NREP: variants seen among roughly 807,000 people sequenced by gnomAD.
NREP encodes neuronal regeneration related protein, also known as neuronal regeneration-related protein.
Under a neutral mutation model 8.6 loss-of-function variants are expected in NREP, and 5 were observed. The observed-to-expected ratio is 0.58, with a 90% confidence interval of 0.30 to 1.22. The LOEUF (loss-of-function observed/expected upper bound fraction) is 1.22, where lower values mean the gene tolerates loss of function less well. NREP is among the 50% of genes most tolerant of loss of function. NREP has a pLI of 0.07. For missense variants in NREP, 86 were observed against 82.5 expected, an observed-to-expected ratio of 1.04 and a Z score of -0.17; for synonymous variants, 27 against 28.0, an observed-to-expected ratio of 0.96 and a Z score of 0.11.
intron 2 of NREP, among the ~76,000 whole-genome samples, chr5:111,920,776 T>TA (rs1241115499): frequency 6.6e-6 from 1 of 152,092 alleles, no homozygotes; most frequent in African/African-American, 2.4e-5. Flanking sequence ...TGCACATTTA[T>TA]AAAAAAGGCG....
upstream of NREP, chr5:111,757,898 C>T (rs1261565872): frequency 1.0e-6 from 1 of 984,800 alleles, no homozygotes; most frequent in Non-Finnish European, 1.2e-6. Flanking sequence ...CGGCGGCCCG[C>T]CAGGGCCGTG....
At chr5:111,856,235 T>G (rs973115534) in intron 2 of NREP, among the ~76,000 whole-genome samples, 9 of 152,282 alleles carry the variant, frequency 5.9e-5, no homozygotes, top group Middle Eastern at 3.4e-3. Context: ...AGATTTTATT[T>G]TAGTAAAACT....
chr5:111,964,874 A>AAAAG (rs1756595040), intron 2 of NREP, among the ~76,000 whole-genome samples: 2 of 112,668 alleles, frequency 1.8e-5, no homozygotes, highest in African/African-American at 9.7e-5. Context: ...AAAAAAAAAA[A>AAAAG]AAAAAAAAAA....
At chr5:111,936,167 C>T (rs188245042) in intron 2 of NREP, among the ~76,000 whole-genome samples, 15 of 152,196 alleles carry the variant, frequency 9.9e-5, no homozygotes, top group African/African-American at 3.6e-4. Flanking sequence ...TGGTTCGGCT[C>T]TGTGTTGCCA....
intron 1 of NREP, 112 bp from the exon 2 acceptor site, chr5:111,755,942 G>A: frequency 6.8e-7 from 1 of 1,464,700 alleles, no homozygotes; most frequent in South Asian, 1.3e-5. Context: ...GTTAAGATAA[G>A]TTACATGCAA....
chr5:111,879,654 C>T (rs1015417288), intron 2 of NREP, among the ~76,000 whole-genome samples: 3 of 152,182 alleles, frequency 2.0e-5, no homozygotes, highest in Admixed American at 1.3e-4. Context: ...CTCAGGTTGC[C>T]GTAACGATAT....
At chr5:111,813,089 A>G (rs10067960) in intron 2 of NREP, among the ~76,000 whole-genome samples, 45,317 of 151,966 alleles carry the variant, frequency 0.3, 7,665 homozygotes, top group Non-Finnish European at 0.4. Context: ...TAAGTATATC[A>G]TTTGGCTTTG....
chr5:111,783,610 T>C (rs1202960986), intron 2 of NREP, among the ~76,000 whole-genome samples: 6 of 152,224 alleles, frequency 3.9e-5, no homozygotes, highest in Non-Finnish European at 1.5e-5. Flanking sequence ...CCCTTCTCCA[T>C]CTGAGGAAGT....
intron 2 of NREP, among the ~76,000 whole-genome samples, chr5:111,967,770 C>T (rs183588434): frequency 6.6e-6 from 1 of 152,058 alleles, no homozygotes; most frequent in African/African-American, 2.4e-5. Context: ...TTCTGTCTTC[C>T]CCAACTTGTA....
chr5:111,816,241 G>A (rs925079537), intron 2 of NREP, among the ~76,000 whole-genome samples: 17 of 152,160 alleles, frequency 1.1e-4, no homozygotes, highest in South Asian at 8.3e-4. Context: ...CAAGAGGCCC[G>A]CCTAGAAAGA....
intron 2 of NREP, among the ~76,000 whole-genome samples, chr5:111,936,084 T>A (rs560715707): frequency 1.3e-5 from 2 of 152,212 alleles, no homozygotes; most frequent in East Asian, 3.9e-4. Flanking sequence ...TGTTCTCCCC[T>A]GTGTCTTTGT....
chr5:111,835,808 T>G (rs534956745), intron 2 of NREP, among the ~76,000 whole-genome samples: 38 of 152,194 alleles, frequency 2.5e-4, no homozygotes, highest in African/African-American at 8.4e-4. Context: ...AAAAAGGTCA[T>G]TGCTGTATAA....
At chr5:111,801,925 C>T (rs1311231062) in intron 2 of NREP, among the ~76,000 whole-genome samples, 2 of 152,080 alleles carry the variant, frequency 1.3e-5, no homozygotes, top group Admixed American at 6.6e-5. Flanking sequence ...GAACAAGGGG[C>T]CACACATTTT....
intron 2 of NREP, among the ~76,000 whole-genome samples, chr5:111,855,720 A>C (rs1283623607): frequency 6.6e-6 from 1 of 152,154 alleles, no homozygotes; most frequent in Non-Finnish European, 1.5e-5. Flanking sequence ...TTTAAGAAGC[A>C]AAAGACCTCC....
intron 2 of NREP, among the ~76,000 whole-genome samples, chr5:111,920,723 G>A (rs1755213696): frequency 6.6e-6 from 1 of 152,058 alleles, no homozygotes; most frequent in African/African-American, 2.4e-5. Flanking sequence ...GCTTATATGG[G>A]CTTCTTAGCC....
intron 2 of NREP, among the ~76,000 whole-genome samples, chr5:111,771,329 A>C (rs1012456172): frequency 3.3e-5 from 5 of 152,076 alleles, no homozygotes; most frequent in African/African-American, 1.2e-4. Flanking sequence ...ATCTGAGATT[A>C]CTGAGTAAAT....
At chr5:111,863,559 A>G (rs1753599234) in intron 2 of NREP, among the ~76,000 whole-genome samples, 1 of 152,134 alleles carries the variant, frequency 6.6e-6, no homozygotes, top group Admixed American at 6.6e-5. Flanking sequence ...GCCTTAAGAA[A>G]CTTTAACATT....
At chr5:111,729,041 A>G (rs1748331849), downstream of NREP, 1 of 152,284 alleles carries the variant, frequency 6.6e-6, no homozygotes, top group Admixed American at 6.5e-5. Flanking sequence ...AAGTGTAGAA[A>G]TAAAAGGATC....
In NREP at chr5:111,858,180, G is replaced by C. The variant is rs187732121; in HGVS notation, c.135+117094C>G. 1.6e-4 allele frequency among the ~76,000 whole-genome samples: 24 copies of C among 152,204 alleles called. No homozygotes were observed. In the East Asian group the frequency reaches 4.6e-3, roughly 29 times the overall value. ...GACCTACTGAGTCTGAAACTCTGGA[G>C]GTAGAGCCAGTAGTTGGTGTTTTAA... On this transcript the variant is annotated intron_variant, in intron 2 of 3. Transcript: ENST00000395634.
Sources: allele counts gnomAD v4.1 joint callset (sites outside exome capture counted in the v4.1 genomes callset), GRCh38; gene constraint gnomAD v4.1.1; transcripts MANE v1.5; gene names NCBI Gene and HGNC (gene_info 2026-07-23, HGNC 2026-07-21).